Variants in SUGCT observed in about 807,000 individuals in gnomAD.
The protein encoded by SUGCT is succinyl-CoA:glutarate CoA-transferase.
In SUGCT, 41 loss-of-function variants were observed where a neutral mutation model predicts 55.0. That is an observed-to-expected ratio of 0.74 (90% CI 0.58 to 0.97). SUGCT has a LOEUF of 0.97. Among genes scored for constraint, SUGCT ranks in the 50% least tolerant of loss-of-function variants. SUGCT has a pLI of 0.00. For synonymous variants in SUGCT, 187 were observed against 200.4 expected (o/e 0.93, Z 0.56); for missense variants, 568 against 547.8 (o/e 1.04, Z -0.37).
intron 11 of SUGCT, among the ~76,000 whole-genome samples, chr7:40,476,696 T>G (rs1790702141): frequency 6.6e-6 from 1 of 152,102 alleles, no homozygotes; most frequent in Non-Finnish European, 1.5e-5. Context: ...ATTTAAAATT[T>G]TTATTGTTAT....
intron 12 of SUGCT, among the ~76,000 whole-genome samples, chr7:40,728,322 C>T (rs1786713540): frequency 6.6e-6 from 1 of 152,014 alleles, no homozygotes; most frequent in African/African-American, 2.4e-5. Context: ...AGTTCGAGAC[C>T]AGCCTGGCCA....
intron 13 of SUGCT, among the ~76,000 whole-genome samples, chr7:40,859,346 C>T (rs1179393015): frequency 1.3e-5 from 2 of 152,194 alleles, no homozygotes; most frequent in Non-Finnish European, 2.9e-5. Flanking sequence ...TTCCAGCGGA[C>T]ACAGATTTTC....
intron 12 of SUGCT, among the ~76,000 whole-genome samples, chr7:40,514,382 A>G (rs1793118623): frequency 6.6e-6 from 1 of 152,082 alleles, no homozygotes; most frequent in African/African-American, 2.4e-5. Context: ...TTACTATTTT[A>G]CAGAAAAATA....
At chr7:40,405,719 A>G (rs1786323643) in intron 9 of SUGCT, among the ~76,000 whole-genome samples, 1 of 148,124 alleles carries the variant, frequency 6.8e-6, no homozygotes, top group African/African-American at 2.5e-5. Context: ...CTGAGGCAGG[A>G]GAATTGCTTG....
At chr7:41,035,334 C>T in the SUGCT span, among the ~76,000 whole-genome samples, 1 of 152,222 alleles carries the variant, frequency 6.6e-6, no homozygotes, top group Non-Finnish European at 1.5e-5. Flanking sequence ...CCCTCTTACT[C>T]CTACAGCAGG....
intron 1 of SUGCT, among the ~76,000 whole-genome samples, chr7:40,140,786 A>G (rs1787941913): frequency 6.6e-6 from 1 of 152,202 alleles, no homozygotes. Context: ...AGAAAATGTG[A>G]TAACACCAGC....
the SUGCT span, among the ~76,000 whole-genome samples, chr7:40,869,671 A>AT: frequency 1.3e-4 from 19 of 150,786 alleles, no homozygotes; most frequent in African/African-American, 2.7e-4. Context: ...CACGAATGTC[A>AT]TTTTTTTTTT....
chr7:40,996,368 C>A, the SUGCT span, among the ~76,000 whole-genome samples: 5 of 152,224 alleles, frequency 3.3e-5, no homozygotes, highest in Admixed American at 3.3e-4. Flanking sequence ...GTGGGCTGAG[C>A]GATCTGGAAT....
chr7:40,760,291 T>C (rs75081397), intron 13 of SUGCT, among the ~76,000 whole-genome samples: 6,465 of 152,268 alleles, frequency 0.042, 134 homozygotes, highest in Middle Eastern at 0.054. Flanking sequence ...TAAGATGATT[T>C]TTCTTCCCCA....
chr7:40,195,634 G>T (rs1251767098), intron 6 of SUGCT, among the ~76,000 whole-genome samples: 1 of 147,076 alleles, frequency 6.8e-6, no homozygotes, highest in Non-Finnish European at 1.5e-5. Context: ...TAAGTTTTAT[G>T]TTGATGTTTT....
At chr7:40,492,366 A>G (rs1791733658) in intron 11 of SUGCT, among the ~76,000 whole-genome samples, 2 of 152,172 alleles carry the variant, frequency 1.3e-5, no homozygotes, top group Non-Finnish European at 2.9e-5. Context: ...TCAGAGGCAA[A>G]GCGTATGTTG....
At chr7:40,814,286 A>G (rs554471220) in intron 13 of SUGCT, among the ~76,000 whole-genome samples, 1 of 151,566 alleles carries the variant, frequency 6.6e-6, no homozygotes, top group African/African-American at 2.4e-5. Flanking sequence ...ATTTCCTCAA[A>G]TTTTTTTTTC....
the SUGCT span, among the ~76,000 whole-genome samples, chr7:40,976,710 G>C: frequency 2.0e-5 from 3 of 152,170 alleles, no homozygotes; most frequent in African/African-American, 7.2e-5. Context: ...ATCAGGAGCT[G>C]TGTCTCATGA....
intron 13 of SUGCT, among the ~76,000 whole-genome samples, chr7:40,774,634 G>A (rs1167457588): frequency 6.6e-6 from 1 of 152,090 alleles, no homozygotes; most frequent in African/African-American, 2.4e-5. Context: ...TATTTCTGTT[G>A]TTGATACTTG....
At chr7:40,966,284 G>A in the SUGCT span, 1 of 152,196 alleles carries the variant, frequency 6.6e-6, no homozygotes, top group Non-Finnish European at 1.5e-5. Flanking sequence ...GGAGACCAGA[G>A]GAGAGGGCTC....
the SUGCT span, among the ~76,000 whole-genome samples, chr7:41,004,154 G>C: frequency 6.6e-6 from 1 of 152,178 alleles, no homozygotes; most frequent in Non-Finnish European, 1.5e-5. Context: ...CTGAACAAAA[G>C]AGGAGGGAGA....
intron 12 of SUGCT, among the ~76,000 whole-genome samples, chr7:40,519,974 G>A (rs1793440046): frequency 6.6e-6 from 1 of 151,998 alleles, no homozygotes; most frequent in African/African-American, 2.4e-5. Flanking sequence ...GTTACCAATA[G>A]CAAGTGGTTC....
intron 9 of SUGCT, among the ~76,000 whole-genome samples, chr7:40,390,392 T>C (rs986476692): frequency 6.6e-6 from 1 of 152,190 alleles, no homozygotes; most frequent in African/African-American, 2.4e-5. Context: ...AACCCCATCG[T>C]CTCAGCCCAA....
At chr7:40,245,425 T>TATA (rs60745175) in intron 7 of SUGCT, among the ~76,000 whole-genome samples, 14 of 12,620 alleles carry the variant, frequency 1.1e-3, no homozygotes, top group East Asian at 8.7e-3. Flanking sequence ...ATATATATAT[T>TATA]TTTTTTTTTT....
Sources: gnomAD v4.1 joint callset for allele counts (sites outside exome capture counted in the v4.1 genomes callset) on GRCh38, gnomAD v4.1.1 for gene constraint, MANE v1.5 for transcripts, NCBI Gene and HGNC (gene_info 2026-07-23, HGNC 2026-07-21) for gene names.